The following KCNH1 variants were observed in gnomAD, a reference collection of about 807,000 sequenced individuals.
KCNH1 encodes potassium voltage-gated channel subfamily H member 1.
A neutral mutation model predicts 69.2 loss-of-function variants in KCNH1; 27 were observed. That is an observed-to-expected ratio of 0.39 (90% CI 0.29 to 0.54). KCNH1 has a LOEUF of 0.54. KCNH1 is among the 20% of genes least tolerant of loss of function. The pLI, the probability that KCNH1 is intolerant of heterozygous loss-of-function variation, is 0.68. For synonymous variants in KCNH1, 456 were observed against 487.7 expected, an observed-to-expected ratio of 0.93 and a Z score of 0.86; for missense variants, 798 against 1,261.6, an observed-to-expected ratio of 0.63 and a Z score of 5.57.
intron 7 of KCNH1, among the ~76,000 whole-genome samples, chr1:210,827,864 A>T (rs188325331): frequency 1.5e-3 from 226 of 152,050 alleles, no homozygotes; most frequent in African/African-American, 5.2e-3. Flanking sequence ...TGTTTTTTGG[A>T]GACAAAGTCA....
intron 7 of KCNH1, among the ~76,000 whole-genome samples, chr1:210,809,996 G>T (rs1008509034): frequency 6.6e-6 from 1 of 152,112 alleles, no homozygotes; most frequent in Non-Finnish European, 1.5e-5. Context: ...AGCAACCTAG[G>T]AAGTTTCTTC....
At chr1:210,716,128 T>C (rs2149021470) in intron 10 of KCNH1, among the ~76,000 whole-genome samples, 1 of 151,746 alleles carries the variant, frequency 6.6e-6, no homozygotes, top group Admixed American at 6.6e-5. Flanking sequence ...GGGTAGATCT[T>C]GCTTTAAGAA....
At chr1:211,101,662 C>T (rs1025527588) in intron 3 of KCNH1, among the ~76,000 whole-genome samples, 10 of 152,274 alleles carry the variant, frequency 6.6e-5, no homozygotes, top group South Asian at 6.2e-4. Context: ...ATAGCCTGCA[C>T]GACTTCATGT....
At chr1:211,131,037 G>A (rs1691865745) in intron 1 of KCNH1, among the ~76,000 whole-genome samples, 1 of 152,108 alleles carries the variant, frequency 6.6e-6, no homozygotes, top group Non-Finnish European at 1.5e-5. Flanking sequence ...TGAGGAAAGG[G>A]TTTTTGCATG....
intron 7 of KCNH1, among the ~76,000 whole-genome samples, chr1:210,807,286 C>A (rs1281422246): frequency 1.3e-5 from 2 of 152,084 alleles, no homozygotes; most frequent in South Asian, 4.2e-4. Flanking sequence ...CCTTTTTCTC[C>A]TTTATTATAA....
At chr1:211,005,348 A>G (rs1689260829) in intron 6 of KCNH1, among the ~76,000 whole-genome samples, 1 of 152,148 alleles carries the variant, frequency 6.6e-6, no homozygotes, top group African/African-American at 2.4e-5. Flanking sequence ...GGGAGAAATA[A>G]AAACGTTAAA....
intron 7 of KCNH1, chr1:210,861,616 G>T: frequency 1.3e-6 from 1 of 771,288 alleles, no homozygotes; most frequent in East Asian, 2.4e-5. Context: ...GTGGTATAGA[G>T]TATAGAGTAT....
chr1:211,027,362 T>C (rs1321323947), intron 5 of KCNH1, among the ~76,000 whole-genome samples: 1 of 152,128 alleles, frequency 6.6e-6, no homozygotes, highest in African/African-American at 2.4e-5. Flanking sequence ...TCCTAACATT[T>C]TGGAGGCCAA....
At chr1:210,937,444 T>G (rs987813197) in intron 6 of KCNH1, among the ~76,000 whole-genome samples, 1 of 152,164 alleles carries the variant, frequency 6.6e-6, no homozygotes, top group Non-Finnish European at 1.5e-5. Flanking sequence ...GATCTAGAAT[T>G]GGCCCATCAG....
chr1:210,893,870 G>C (rs565152539), intron 7 of KCNH1, among the ~76,000 whole-genome samples: 1 of 152,060 alleles, frequency 6.6e-6, no homozygotes, highest in African/African-American at 2.4e-5. Flanking sequence ...GTGATGTCTA[G>C]TGTCAATTCT....
Position 210,876,986 on chromosome 1 carries a change from A to C in KCNH1, c.1462+42654T>G, listed in dbSNP as rs547854370. Among the ~76,000 whole-genome samples the C allele has an allele frequency of 3.5e-4, 53 of 152,036 alleles. No homozygotes were observed. The South Asian group carries it at 0.011, about 32-fold the overall frequency. ...ACCCAAGCATTTAACCTTACCGCTC[A>C]GCCTCAGAGATAACGAGCTCACAGG... On this transcript the variant is annotated intron_variant, in intron 7 of 10. Coordinates refer to ENST00000271751, the MANE Select transcript of KCNH1 (RefSeq NM_172362.3).
intron 6 of KCNH1, among the ~76,000 whole-genome samples, chr1:210,951,741 T>C (rs1005561437): frequency 3.9e-5 from 6 of 152,166 alleles, no homozygotes; most frequent in Admixed American, 6.5e-5. Flanking sequence ...AAAAGAGATA[T>C]GGTGTTCAGG....
At chr1:210,967,709 C>A (rs1228416553) in intron 6 of KCNH1, among the ~76,000 whole-genome samples, 2 of 152,196 alleles carry the variant, frequency 1.3e-5, no homozygotes, top group East Asian at 3.9e-4. Context: ...TAATTTCTGT[C>A]AGAGAATATC....
intron 6 of KCNH1, among the ~76,000 whole-genome samples, chr1:210,979,388 T>G (rs556722651): frequency 2.4e-4 from 37 of 152,354 alleles, no homozygotes; most frequent in African/African-American, 8.9e-4. Flanking sequence ...TCCAGCTTTA[T>G]AGTTGCTTTT....
At chr1:211,074,831 A>G (rs1158203039) in intron 5 of KCNH1, among the ~76,000 whole-genome samples, 1 of 152,236 alleles carries the variant, frequency 6.6e-6, no homozygotes, top group Non-Finnish European at 1.5e-5. Flanking sequence ...TGTGAACTTC[A>G]GCATCAGCTC....
At chr1:210,845,034 G>A (rs1396141748) in intron 7 of KCNH1, among the ~76,000 whole-genome samples, 3 of 152,140 alleles carry the variant, frequency 2.0e-5, no homozygotes, top group African/African-American at 7.2e-5. Flanking sequence ...CCAGGAAGAA[G>A]TTGAATCTCT....
chr1:211,098,150 T>TA (rs1691191615), intron 3 of KCNH1, among the ~76,000 whole-genome samples: 1 of 151,540 alleles, frequency 6.6e-6, no homozygotes, highest in Non-Finnish European at 1.5e-5. Flanking sequence ...AAACCCCGAC[T>TA]CTACAAAAAT....
intron 6 of KCNH1, among the ~76,000 whole-genome samples, chr1:210,936,931 C>A (rs1687785042): frequency 6.6e-6 from 1 of 152,098 alleles, no homozygotes. Context: ...TTTGGCTTCT[C>A]TTTGATATCT....
At chr1:210,844,678 A>G (rs12741380) in intron 7 of KCNH1, among the ~76,000 whole-genome samples, 1 of 152,188 alleles carries the variant, frequency 6.6e-6, no homozygotes. Context: ...CTAGAAAAGC[A>G]AGAGCAAACA....
Sources: gnomAD v4.1 joint callset for allele counts (sites outside exome capture counted in the v4.1 genomes callset) on GRCh38, gnomAD v4.1.1 for gene constraint, MANE v1.5 for transcripts, NCBI Gene and HGNC (gene_info 2026-07-23, HGNC 2026-07-21) for gene names.